Variants in DMPK observed in about 807,000 individuals in gnomAD.
DMPK encodes DM1 protein kinase, also known as myotonin-protein kinase.
In DMPK, 32 loss-of-function variants were observed where a neutral mutation model predicts 70.3. That is an observed-to-expected ratio of 0.46 (90% CI 0.34 to 0.61). The LOEUF (loss-of-function observed/expected upper bound fraction) is 0.61. Among genes scored for constraint, DMPK ranks in the 20% least tolerant of loss-of-function variants. DMPK has a pLI of 0.01. For synonymous variants in DMPK, 469 were observed against 390.9 expected (o/e 1.20, Z -2.36); for missense variants, 899 against 886.0 (o/e 1.01, Z -0.19).
intron 1 of DMPK, 66 bp downstream of exon 1, chr19:45,782,127 G>T: frequency 8.1e-6 from 5 of 616,416 alleles, no homozygotes; most frequent in African/African-American, 2.2e-5. Context: ...CCAGGCCTCT[G>T]TGCCCAGACC....
In DMPK at chr19:45,779,778, C is replaced by T; in HGVS notation, c.252G>A (p.Glu84=). The change falls in exon 2 of 15, where the codon GAG becomes GAA. Residue 84 remains glutamate, a splice_region_variant and synonymous_variant. Coordinates refer to ENST00000291270, the MANE Select transcript of DMPK (RefSeq NM_004409.5). ...CAGGCTCCCGCCCGGTTCGGCTTAC[C>T]TCGCTGAACGCCCCGCGTCCGATCA... The part of the protein sequence containing the change: ...LKVIGRGAFS[E]VAVVKMKQTG... 6 of 1,555,494 alleles carry T rather than the reference C, an allele frequency of 3.9e-6. No homozygotes were observed. The highest frequency in any genetic ancestry group is 1.2e-5 in the South Asian group (1 of 81,544).
Position 45,777,891 on chromosome 19 carries a change from G to C in DMPK, c.676-18C>G. 6.3e-7 allele frequency: 1 copy of C among 1,595,992 alleles called. No homozygotes were observed. The highest frequency in any genetic ancestry group is 8.5e-7 in the Non-Finnish European group (1 of 1,173,784). On this transcript the variant is annotated intron_variant, in intron 6 of 14. Transcript: ENST00000291270. The surrounding 1 kb of genome is among the most constrained non-coding windows in gnomAD (Gnocchi z 6.7). ...GACCGCACCTGGACCAAAAGGAGCAGAGCGAGGCTTGGGCCCACCCCTCTG... is the reference window on the plus strand; with the variant it reads ...GACCGCACCTGGACCAAAAGGAGCACAGCGAGGCTTGGGCCCACCCCTCTG...
At chr19:45,773,186 G>A (rs1418836799) in intron 9 of DMPK, among the ~76,000 whole-genome samples, 2 of 152,202 alleles carry the variant, frequency 1.3e-5, no homozygotes, top group African/African-American at 4.8e-5. Flanking sequence ...GCAACTTGAG[G>A]TCAGCACACC....
rs139686338 is a variant in DMPK, at chr19:45,778,753, G to A, written c.433-112C>T. On this transcript the variant is annotated intron_variant, in intron 4 of 14. Coordinates refer to ENST00000291270, the MANE Select transcript of DMPK (RefSeq NM_004409.5). ...CCCCATCCTTGGGCAGAGACCTGCAGCCCCAGCCCAGAGATAACCATAGAG... is the reference window on the plus strand; with the variant it reads ...CCCCATCCTTGGGCAGAGACCTGCAACCCCAGCCCAGAGATAACCATAGAG... 592 of 1,159,832 alleles carry A rather than the reference G, an allele frequency of 5.1e-4. 5 individuals are homozygous for A. The African/African-American group carries it at 8.3e-3, about 16-fold the overall frequency. 71.8% of individuals were successfully genotyped at this position (1,159,832 alleles called of 1,614,324 possible). A position where few individuals can be genotyped will look rare whatever the true frequency, so the allele number is the denominator to read the frequency against.
At chr19:45,780,568 C>A in intron 1 of DMPK, 1 of 1,024,282 alleles carries the variant, frequency 9.8e-7, no homozygotes, top group South Asian at 3.3e-5. Flanking sequence ...ACTGGGCAGC[C>A]TGGGTGGGGG....
intron 8 of DMPK, 101 bp from the exon 9 acceptor site, chr19:45,775,135 G>C: frequency 2.3e-6 from 2 of 880,322 alleles, no homozygotes. Context: ...CCCCAACTCA[G>C]GGCTTATCTA....
Position 45,778,232 on chromosome 19 carries a change from A to G in DMPK, c.582-12T>C. On this transcript the variant is annotated splice_polypyrimidine_tract_variant and intron_variant, in intron 5 of 14. Coordinates refer to ENST00000291270, the MANE Select transcript of DMPK (RefSeq NM_004409.5). ...CGGGTTTGATGTCCCTGCACGGAGG[A>G]AAAGAGAAGGGTGGGATAAATGAAC... 6.2e-7 allele frequency: 1 copy of G among 1,609,236 alleles called. No individual in the cohort carries two copies. The highest frequency in any genetic ancestry group is 8.5e-7 in the Non-Finnish European group (1 of 1,176,878).
At position 45,771,048 on chromosome 19, in the gene DMPK, G is replaced by C. The variant is rs986673828; in HGVS notation, c.1660C>G (p.Pro554Ala). ...GGGCACTGGCCCACAGCCACGGCCG[G>C]GGGGCCATCTAGCTGGAGAGAGAAG... ...TDPPSHLDGPPAVAVGQCPLV... is the reference protein window; with the variant it reads ...TDPPSHLDGPAAVAVGQCPLV... Residue 554 changes from proline to alanine, a missense_variant, in exon 14 of 15, where the codon CCG becomes GCG. Physicochemically the swap from Pro to Ala is conservative, Grantham distance 27 (BLOSUM62 -1). Transcript: ENST00000291270. The C allele has an allele frequency of 1.3e-6, 2 of 1,518,008 alleles. No homozygotes were observed. The highest frequency in any genetic ancestry group is 1.8e-6 in the Non-Finnish European group (2 of 1,134,344). The allele number at this position is 1,518,008 out of a possible 1,614,324, so 94.0% of individuals were successfully genotyped here. A position where few individuals can be genotyped will look rare whatever the true frequency, so the allele number is the denominator to read the frequency against.
intron 10 of DMPK, 70 bp downstream of exon 10, chr19:45,772,571 C>G: frequency 9.8e-7 from 1 of 1,017,626 alleles, no homozygotes; most frequent in Non-Finnish European, 1.4e-6. Flanking sequence ...ACAGTGCACG[C>G]CACCCGGGAA....
Position 45,770,173 on chromosome 19 carries a change from G to A in DMPK, c.*315C>T. 1.5e-6 allele frequency: 1 copy of A among 669,942 alleles called. No individual in the cohort carries two copies. The highest frequency in any genetic ancestry group is 2.4e-6 in the Non-Finnish European group (1 of 408,172). 41.5% of individuals were successfully genotyped at this position (669,942 alleles called of 1,614,324 possible). On this transcript the variant is annotated 3_prime_UTR_variant, in exon 15 of 15. Transcript: ENST00000291270. ...CCCATCCACGTCAGGGCCTCAGCCT[G>A]GCCGAAAGAAAGAAATGGTCTGTGA... is the stretch of plus-strand genomic sequence containing the variant.
In DMPK at chr19:45,777,867, A is replaced by G; in HGVS notation, c.682T>C (p.Ser228Pro). 1 of 1,607,730 alleles carries G rather than the reference A, an allele frequency of 6.2e-7. No individual in the cohort carries two copies. The highest frequency in any genetic ancestry group is 8.5e-7 in the Non-Finnish European group (1 of 1,179,296). ...TCTGGGGTGCCCACAGCCACCAGCGACCGCACCTGGACCAAAAGGAGCAGA... is the reference window on the plus strand; with the variant it reads ...TCTGGGGTGCCCACAGCCACCAGCGGCCGCACCTGGACCAAAAGGAGCAGA... ...LKLRADGTVR[S>P]LVAVGTPDYL... The change falls in exon 7 of 15, where the codon TCG becomes CCG. Residue 228 changes from serine to proline, a missense_variant. By Grantham distance (74) the Ser-to-Pro change is moderately conservative. Transcript: ENST00000291270. This position sits in a 1 kb window ranked among gnomAD's most constrained non-coding sequence, Gnocchi z 6.7.
chr19:45,770,674 G>C, intron 14 of DMPK, 34 bp from the exon 15 acceptor site: 1 of 1,546,304 alleles, frequency 6.5e-7, no homozygotes, highest in Non-Finnish European at 8.7e-7. Flanking sequence ...CACCCGGCAT[G>C]GGCCTCTGAT....
intron 9 of DMPK, 22 bp from the exon 10 acceptor site, chr19:45,772,774 G>C: frequency 7.3e-7 from 1 of 1,362,676 alleles, no homozygotes; most frequent in African/African-American, 1.5e-5. Context: ...AGGAGGGAGT[G>C]GGGAGGGAGA....
At chr19:45,775,180 T>G in intron 8 of DMPK, 146 bp from the exon 9 acceptor site, 1 of 631,632 alleles carries the variant, frequency 1.6e-6, no homozygotes, top group South Asian at 1.9e-5. Context: ...TTTTTTCTTT[T>G]TCTTTGATAC....
chr19:45,779,929 G>C (rs779792982), intron 1 of DMPK, 60 bp from the exon 2 acceptor site: 1 of 1,612,264 alleles, frequency 6.2e-7, no homozygotes, highest in Non-Finnish European at 8.5e-7. Context: ...GGAGACAAGG[G>C]GGAAAGCCCC....
intron 10 of DMPK, 72 bp from the exon 11 acceptor site, chr19:45,772,000 G>A: frequency 6.8e-7 from 1 of 1,469,014 alleles, no homozygotes; most frequent in Admixed American, 2.5e-5. Flanking sequence ...CTGGTTCCAG[G>A]CTAGGAATCC....
At chr19:45,771,297 G>A (rs754972369) in intron 13 of DMPK, 53 bp downstream of exon 13, 7 of 1,551,098 alleles carry the variant, frequency 4.5e-6, no homozygotes, top group Admixed American at 4.2e-5. Context: ...GCCAGGGAGG[G>A]GATCTGCAGA....
Position 45,777,259 on chromosome 19 carries a change from C to G in DMPK, c.1146+68G>C, listed in dbSNP as rs772749279. The G allele has an allele frequency of 5.4e-6, 8 of 1,483,324 alleles. No individual in the cohort carries two copies. The highest frequency in any genetic ancestry group is 7.2e-6 in the Non-Finnish European group (8 of 1,118,560). 91.9% of individuals were successfully genotyped at this position (1,483,324 alleles called of 1,614,324 possible). On this transcript the variant is annotated intron_variant, in intron 8 of 14. Coordinates refer to ENST00000291270, the MANE Select transcript of DMPK (RefSeq NM_004409.5). The surrounding 1 kb of genome is among the most constrained non-coding windows in gnomAD (Gnocchi z 6.7). ...AGGACCCCAGAAGGTAGGCACTGTC[C>G]TTACTCCAACTTTATGGAGGGAGCA... is the stretch of plus-strand genomic sequence containing the variant.
Position 45,778,128 on chromosome 19 carries a change from G to A in DMPK, c.674C>T (p.Thr225Met), listed in dbSNP as rs61747614. ...GSCLKLRADG[T>M]VRSLVAVGTP... ...TCTGTGGCCAGGGCACTGGCTCACC[G>A]TTCCATCTGCCCGCAGCTTGAGGCA... is the stretch of plus-strand genomic sequence containing the variant. The change falls in exon 6 of 15, where the codon ACG (threonine) becomes ATG (methionine). Residue 225 changes from threonine to methionine, a missense_variant and splice_region_variant. Coordinates refer to ENST00000291270, the MANE Select transcript of DMPK (RefSeq NM_004409.5). 3.8e-4 allele frequency: 612 copies of A among 1,609,532 alleles called. No homozygotes were observed. The highest frequency in any genetic ancestry group is 2.8e-3 in the Middle Eastern group (17 of 6,056).
Sources: allele counts gnomAD v4.1 joint callset (sites outside exome capture counted in the v4.1 genomes callset), GRCh38; gene constraint gnomAD v4.1.1; non-coding constraint Gnocchi (gnomAD v3.1); transcripts MANE v1.5; gene names NCBI Gene and HGNC (gene_info 2026-07-23, HGNC 2026-07-21).